The following DIP2C variants were observed in gnomAD, a reference collection of about 807,000 sequenced individuals.
The protein encoded by DIP2C is DIP2 acetate--CoA ligase C (putative), also known as disco-interacting protein 2 homolog C.
A neutral mutation model predicts 192.4 loss-of-function variants in DIP2C; 33 were observed. The ratio of observed to expected loss-of-function variants is 0.17; its 90% CI spans 0.13 to 0.23. The LOEUF (loss-of-function observed/expected upper bound fraction) is 0.23, where lower values mean the gene tolerates loss of function less well. Among genes scored for constraint, DIP2C ranks in the 10% least tolerant of loss-of-function variants. The pLI is 1.00. For missense variants in DIP2C, 1,537 were observed against 2,110.1 expected (o/e 0.73, Z 5.32); for synonymous variants, 979 against 864.1 (o/e 1.13, Z -2.33).
At chr10:378,363 ACAT>A (rs532203638) in intron 17 of DIP2C, among the ~76,000 whole-genome samples, 39 of 152,394 alleles carry the variant, frequency 2.6e-4, no homozygotes, top group East Asian at 3.9e-4. Flanking sequence ...GAAGGCACAC[ACAT>A]CAACACAAAC....
intron 29 of DIP2C, among the ~76,000 whole-genome samples, chr10:339,891 C>A (rs1958059218): frequency 6.6e-6 from 1 of 152,066 alleles, no homozygotes; most frequent in South Asian, 2.1e-4. Context: ...ATATTTGTTC[C>A]AGAAGAGTGT....
intron 1 of DIP2C, among the ~76,000 whole-genome samples, chr10:684,714 C>T (rs1222138005): frequency 6.6e-6 from 1 of 152,158 alleles, no homozygotes; most frequent in Non-Finnish European, 1.5e-5. Flanking sequence ...CCTGAAAAAG[C>T]CACCCCCAAA....
At chr10:437,063 TCCGC>T (rs2133248474) in intron 4 of DIP2C, among the ~76,000 whole-genome samples, 1 of 134,560 alleles carries the variant, frequency 7.4e-6, no homozygotes, top group African/African-American at 2.9e-5. Flanking sequence ...GGTGATATGC[TCCGC>T]CCACACCTGA....
intron 1 of DIP2C, among the ~76,000 whole-genome samples, chr10:674,984 A>G (rs1169937985): frequency 1.3e-5 from 2 of 152,062 alleles, no homozygotes; most frequent in African/African-American, 4.8e-5. Context: ...CAGATACAAA[A>G]TGCACATTCT....
chr10:451,759 G>C (rs1968865649), intron 3 of DIP2C, among the ~76,000 whole-genome samples: 1 of 152,118 alleles, frequency 6.6e-6, no homozygotes, highest in Non-Finnish European at 1.5e-5. Context: ...GTGCTTGATG[G>C]AATGAGGCCA....
At chr10:468,133 T>C (rs534064310) in intron 3 of DIP2C, among the ~76,000 whole-genome samples, 9 of 152,234 alleles carry the variant, frequency 5.9e-5, no homozygotes, top group Non-Finnish European at 1.2e-4. Context: ...CAGAAAATTG[T>C]GAAATCTGTC....
At chr10:619,831 C>G (rs572483756) in intron 1 of DIP2C, among the ~76,000 whole-genome samples, 1 of 152,108 alleles carries the variant, frequency 6.6e-6, no homozygotes, top group Non-Finnish European at 1.5e-5. Flanking sequence ...TGGCAGCTCC[C>G]GTGTTGGGAG....
intron 14 of DIP2C, among the ~76,000 whole-genome samples, chr10:386,734 G>A (rs1165024212): frequency 2.0e-5 from 3 of 152,178 alleles, no homozygotes; most frequent in Non-Finnish European, 4.4e-5. Flanking sequence ...GTATTCATAT[G>A]CCCATCACTC....
At chr10:368,415 G>C (rs1191191125) in intron 18 of DIP2C, among the ~76,000 whole-genome samples, 1 of 152,242 alleles carries the variant, frequency 6.6e-6, no homozygotes, top group Non-Finnish European at 1.5e-5. Context: ...GGCCACAGCT[G>C]GGAGGCAGGG....
chr10:330,981 T>A (rs1356653927), intron 29 of DIP2C, among the ~76,000 whole-genome samples: 1 of 696 alleles, frequency 1.4e-3, no homozygotes, highest in Non-Finnish European at 0.018. Flanking sequence ...CTGGCTAATT[T>A]TTTTTTTTTT....
rs1218018356 is a variant in DIP2C at position 525,422 on chromosome 10, A to G, written c.86-38892T>C. On this transcript the variant is annotated intron_variant, in intron 1 of 36. Transcript: ENST00000280886. ...ATGAAAATACATACATTTGTGATGGACAGCAGAACACAGTACAGATACTAA... is the reference window on the plus strand; with the variant it reads ...ATGAAAATACATACATTTGTGATGGGCAGCAGAACACAGTACAGATACTAA... Among the ~76,000 whole-genome samples the G allele has an allele frequency of 7.9e-5, 12 of 152,244 alleles. No homozygotes were observed. The East Asian group carries it at 2.3e-3, about 29-fold the overall frequency.
intron 1 of DIP2C, among the ~76,000 whole-genome samples, chr10:564,880 T>A (rs759992343): frequency 2.0e-5 from 3 of 152,148 alleles, no homozygotes; most frequent in Non-Finnish European, 2.9e-5. Context: ...CCTAGAAGAC[T>A]CACACACACA....
chr10:551,240 C>T (rs907109822), intron 1 of DIP2C, among the ~76,000 whole-genome samples: 2 of 152,212 alleles, frequency 1.3e-5, no homozygotes, highest in Non-Finnish European at 2.9e-5. Flanking sequence ...TCAACATCGT[C>T]CACGTACCAT....
intron 3 of DIP2C, among the ~76,000 whole-genome samples, chr10:456,342 T>C (rs1425773550): frequency 7.6e-6 from 1 of 132,432 alleles, no homozygotes; most frequent in Non-Finnish European, 1.5e-5. Context: ...AGTCCCTGCC[T>C]GAGGGGAGGC....
At chr10:474,182 T>G (rs536586482) in intron 2 of DIP2C, among the ~76,000 whole-genome samples, 2 of 152,334 alleles carry the variant, frequency 1.3e-5, no homozygotes, top group East Asian at 3.9e-4. Flanking sequence ...AGTAGCTACC[T>G]GGCACTTACA....
rs147998964 is a variant in DIP2C, at chr10:364,553, C to T, written c.2298G>A (p.Pro766=). 4,869 of 1,614,022 alleles carry T rather than the reference C, an allele frequency of 3.0e-3. 12 individuals carry two copies. Among genetic ancestry groups the T allele is most frequent in the Non-Finnish European group, 3.4e-3 (4,012 of 1,179,936 alleles). Residue 766 remains proline (P), a synonymous_variant, in exon 20 of 37, where the codon CCG becomes CCA. Transcript: ENST00000280886. ...EVFPMTSSGA[P]ISEYPFIRTG... ...TCCTTATGAATGGGTATTCACTGATCGGAGCCCCGGAGCTTGTCATGGGAA... is the reference window on the plus strand; with the variant it reads ...TCCTTATGAATGGGTATTCACTGATTGGAGCCCCGGAGCTTGTCATGGGAA...
Position 287,881 on chromosome 10 carries a change from A to G in DIP2C, c.4044+483T>C, listed in dbSNP as rs186480529. Among the ~76,000 whole-genome samples the G allele has an allele frequency of 3.3e-5, 5 of 152,322 alleles. No individual in the cohort carries two copies. In the East Asian group the frequency reaches 9.7e-4, roughly 29 times the overall value. On this transcript the variant is annotated intron_variant, in intron 33 of 36. Coordinates refer to ENST00000280886, the MANE Select transcript of DIP2C (RefSeq NM_014974.3). Reference sequence around the variant, plus strand: ...GTAGGCCTTTACATATTCAGAATTGATATCTCAATAGTTCCCAACCTTTAG... The same window carrying G: ...GTAGGCCTTTACATATTCAGAATTGGTATCTCAATAGTTCCCAACCTTTAG...
At position 587,821 on chromosome 10, in the gene DIP2C, C is replaced by T. The variant is rs1385011718; in HGVS notation, c.86-101291G>A. Among the ~76,000 whole-genome samples, 4 of 109,188 alleles carry T rather than the reference C, an allele frequency of 3.7e-5. No individual in the cohort carries two copies. The East Asian group carries it at 1.2e-3, about 32-fold the overall frequency. 71.6% of individuals were successfully genotyped at this position (109,188 alleles called of 152,430 possible). The stretch of plus-strand genomic sequence containing the variant: ...CTCAGCCCTCACCCTCCTGAAACCC[C>T]ACATCCACACCAGCCACTGCCTCAG... On this transcript the variant is annotated intron_variant, in intron 1 of 36. Transcript: ENST00000280886.
chr10:637,375 T>G (rs904050140), intron 1 of DIP2C, among the ~76,000 whole-genome samples: 2 of 151,924 alleles, frequency 1.3e-5, no homozygotes, highest in Non-Finnish European at 2.9e-5. Context: ...CAACACACCA[T>G]AGGCTGGGCG....
Sources: gnomAD v4.1 joint callset for allele counts (sites outside exome capture counted in the v4.1 genomes callset) on GRCh38, gnomAD v4.1.1 for gene constraint, MANE v1.5 for transcripts, NCBI Gene and HGNC (gene_info 2026-07-23, HGNC 2026-07-21) for gene names.